PKN2: variants seen among roughly 807,000 people sequenced by gnomAD.
The protein encoded by PKN2 is protein kinase N2, also known as serine/threonine-protein kinase N2.
A neutral mutation model predicts 119.1 loss-of-function variants in PKN2; 38 were observed. The observed-to-expected ratio is 0.32, with a 90% CI of 0.25 to 0.42. The LOEUF is 0.42. PKN2 is among the 10% of genes least tolerant of loss of function. The pLI is 1.00. For synonymous variants in PKN2, 390 were observed against 384.9 expected (o/e 1.01, Z -0.15); for missense variants, 850 against 1,165.1 (o/e 0.73, Z 3.94).
intron 1 of PKN2, among the ~76,000 whole-genome samples, chr1:88,690,206 A>G (rs893841437): frequency 6.6e-6 from 1 of 152,228 alleles, no homozygotes; most frequent in Non-Finnish European, 1.5e-5. Context: ...AGAGCTTAGC[A>G]TCTGATTCCT....
At chr1:88,824,777 G>A (rs1290770926) in intron 18 of PKN2, among the ~76,000 whole-genome samples, 1 of 152,144 alleles carries the variant, frequency 6.6e-6, no homozygotes, top group Non-Finnish European at 1.5e-5. Flanking sequence ...ATAGAGATAG[G>A]TATCTCATGT....
intron 2 of PKN2, among the ~76,000 whole-genome samples, chr1:88,747,592 G>A (rs905594969): frequency 8.5e-5 from 13 of 152,058 alleles, no homozygotes; most frequent in Non-Finnish European, 1.8e-4. Context: ...TGTCATCACT[G>A]AAGAAGACTA....
rs533297185 is a variant in PKN2 at position 88,770,942 on chromosome 1, A to G, written c.622+473A>G. ...TCTTCACTTGGATAGATGCTTTTAG[A>G]TATTTGGCCCTTATGTTTCAAGAAG... On this transcript the variant is annotated intron_variant, in intron 4 of 21. Coordinates refer to ENST00000370521, the MANE Select transcript of PKN2 (RefSeq NM_006256.4). 6.4e-5 allele frequency among the ~76,000 whole-genome samples: 9 copies of G among 141,532 alleles called. No individual in the cohort carries two copies. The East Asian group carries it at 1.2e-3, about 19-fold the overall frequency. The allele number at this position is 141,532 out of a possible 152,430, so 92.9% of individuals were successfully genotyped here. A position where few individuals can be genotyped will look rare whatever the true frequency, so the allele number is the denominator to read the frequency against.
intron 8 of PKN2, among the ~76,000 whole-genome samples, chr1:88,794,819 A>G (rs983812024): frequency 6.6e-6 from 1 of 151,982 alleles, no homozygotes; most frequent in African/African-American, 2.4e-5. Context: ...CCTAAAACCA[A>G]TGTTACTCTG....
chr1:88,780,490 C>T (rs1670291596), intron 6 of PKN2, among the ~76,000 whole-genome samples: 1 of 152,142 alleles, frequency 6.6e-6, no homozygotes, highest in Non-Finnish European at 1.5e-5. Context: ...CTGTCATAAA[C>T]TGGTTTGTGC....
chr1:88,765,073 C>T (rs944132115), intron 3 of PKN2, among the ~76,000 whole-genome samples: 3 of 151,314 alleles, frequency 2.0e-5, no homozygotes, highest in East Asian at 1.9e-4. Context: ...ATTAAAGGTG[C>T]ACACCACTAT....
At chr1:88,745,263 A>G (rs1017832975) in intron 2 of PKN2, among the ~76,000 whole-genome samples, 1 of 152,226 alleles carries the variant, frequency 6.6e-6, no homozygotes, top group African/African-American at 2.4e-5. Flanking sequence ...AGCCCTAGCT[A>G]GAGCACTTAG....
At chr1:88,742,968 A>C (rs1266877621) in intron 2 of PKN2, among the ~76,000 whole-genome samples, 1 of 152,156 alleles carries the variant, frequency 6.6e-6, no homozygotes, top group Non-Finnish European at 1.5e-5. Flanking sequence ...AGGCAGGCGG[A>C]TCACTTGAGG....
At chr1:88,829,573 G>C (rs1332609830) in intron 19 of PKN2, among the ~76,000 whole-genome samples, 1 of 152,198 alleles carries the variant, frequency 6.6e-6, no homozygotes, top group African/African-American at 2.4e-5. Flanking sequence ...TTAGGAAACA[G>C]TGAGTTATGT....
chr1:88,775,672 T>C lies in PKN2; in HGVS notation c.985+3793T>C, dbSNP rs943556867. Among the ~76,000 whole-genome samples the C allele has an allele frequency of 3.9e-5, 6 of 152,190 alleles. 1 individual carries two copies. The highest frequency in any genetic ancestry group is 5.9e-5 in the Non-Finnish European group (4 of 68,018). On this transcript the variant is annotated intron_variant, in intron 6 of 21. Transcript: ENST00000370521. ...ATCTTTAGTAGCCTACAAAAAACTC[T>C]TTGACTGTGCCCTTGTTATATTGTC...
At chr1:88,774,627 T>C (rs1192832232) in intron 6 of PKN2, among the ~76,000 whole-genome samples, 1 of 152,152 alleles carries the variant, frequency 6.6e-6, no homozygotes, top group Non-Finnish European at 1.5e-5. Context: ...GCGGGTTTTT[T>C]TTTTTATGCA....
intron 17 of PKN2, among the ~76,000 whole-genome samples, chr1:88,824,008 CAA>C (rs3061489): frequency 0.071 from 8,341 of 116,986 alleles, 415 homozygotes; most frequent in African/African-American, 0.18. Flanking sequence ...GACTCTGTCT[CAA>C]AAAAAAAAAA....
chr1:88,766,489 GTTATTC>G (rs933688080), intron 3 of PKN2, among the ~76,000 whole-genome samples: 82 of 152,008 alleles, frequency 5.4e-4, no homozygotes, highest in African/African-American at 2.0e-3. Flanking sequence ...TAATTTTTTA[GTTATTC>G]TTATAATTGT....
intron 6 of PKN2, among the ~76,000 whole-genome samples, chr1:88,775,736 G>A (rs912937553): frequency 6.6e-6 from 1 of 152,186 alleles, no homozygotes; most frequent in African/African-American, 2.4e-5. Context: ...ATTAACATAG[G>A]CTATAAATAT....
At chr1:88,828,762 C>CAGCT (rs1158855794) in intron 19 of PKN2, 139 bp downstream of exon 19, 1 of 674,738 alleles carries the variant, frequency 1.5e-6, no homozygotes, top group African/African-American at 1.8e-5. Flanking sequence ...TACTAGTAGT[C>CAGCT]AGCTATCTTT....
intron 1 of PKN2, among the ~76,000 whole-genome samples, chr1:88,730,267 G>C (rs923808914): frequency 1.3e-5 from 2 of 152,162 alleles, no homozygotes; most frequent in African/African-American, 4.8e-5. Flanking sequence ...GAAGTAGAAA[G>C]GTAGCCAGTC....
intron 3 of PKN2, among the ~76,000 whole-genome samples, chr1:88,761,216 CT>C (rs1669427538): frequency 6.6e-6 from 1 of 152,054 alleles, no homozygotes; most frequent in African/African-American, 2.4e-5. Context: ...TCAAGGTTCT[CT>C]TCAGCCTAAG....
chr1:88,741,369 A>G (rs1668573827), intron 2 of PKN2, 81 bp downstream of exon 2: 7 of 916,874 alleles, frequency 7.6e-6, no homozygotes, highest in African/African-American at 1.7e-5. Flanking sequence ...AAGTTTGGGG[A>G]CATGAATAGT....
At chr1:88,747,698 T>TA (rs1668824370) in intron 2 of PKN2, among the ~76,000 whole-genome samples, 2 of 152,136 alleles carry the variant, frequency 1.3e-5, no homozygotes, top group Admixed American at 1.3e-4. Context: ...GTACCATTCT[T>TA]ATATTTTCAA....
Sources: gnomAD v4.1 joint callset for allele counts (sites outside exome capture counted in the v4.1 genomes callset) on GRCh38, gnomAD v4.1.1 for gene constraint, MANE v1.5 for transcripts, NCBI Gene and HGNC (gene_info 2026-07-23, HGNC 2026-07-21) for gene names.